Variants in TNNT1 observed in about 807,000 individuals in gnomAD.
TNNT1 encodes the protein troponin T, slow skeletal muscle.
TNNT1 carries 53 observed loss-of-function variants against 50.6 expected under a neutral mutation model. That is an observed-to-expected ratio of 1.05 (90% CI 0.84 to 1.32). TNNT1 has a LOEUF of 1.32. TNNT1 is among the 40% of genes most tolerant of loss of function. The pLI, the probability that TNNT1 is intolerant of heterozygous loss-of-function variation, is 0.00. For missense variants in TNNT1, 348 were observed against 381.7 expected (o/e 0.91, Z 0.74); for synonymous variants, 142 against 138.0 (o/e 1.03, Z -0.20).
intron 10 of TNNT1, among the ~76,000 whole-genome samples, chr19:55,137,448 C>G (rs1030042105): frequency 6.6e-5 from 10 of 151,478 alleles, no homozygotes; most frequent in African/African-American, 1.9e-4. Flanking sequence ...CCCAGACCCT[C>G]TCGCATTAGG....
intron 9 of TNNT1, among the ~76,000 whole-genome samples, chr19:55,139,679 C>T (rs914086627): frequency 6.6e-6 from 1 of 152,084 alleles, no homozygotes; most frequent in Admixed American, 6.6e-5. Flanking sequence ...TGCAAAATCC[C>T]CTTCACAGCT....
rs367816728 is a variant in TNNT1 at position 55,145,666 on chromosome 19, C to T, written c.107-101G>A. ...GGAGGGACCCCCCAAGCCTCGGCCC[C>T]CAGGACCCCAGGGAAGGACTCTGGA... On this transcript the variant is annotated intron_variant, in intron 5 of 13. Transcript: ENST00000588981. The T allele has an allele frequency of 9.2e-6, 12 of 1,308,736 alleles. No individual in the cohort carries two copies. The East Asian group carries it at 9.2e-5, about 10-fold the overall frequency. The allele number at this position is 1,308,736 out of a possible 1,614,324, so 81.1% of individuals were successfully genotyped here.
chr19:55,146,893 AGGGCCC>A, intron 3 of TNNT1, 109 bp downstream of exon 3: 6 of 1,363,720 alleles, frequency 4.4e-6, no homozygotes, highest in Middle Eastern at 2.6e-4. Context: ...AGGGCGGGCG[AGGGCCC>A]GAGGGCTGAG....
intron 9 of TNNT1, among the ~76,000 whole-genome samples, chr19:55,140,109 C>T (rs959694575): frequency 2.1e-5 from 3 of 145,082 alleles, no homozygotes; most frequent in East Asian, 2.0e-4. Flanking sequence ...GGTGACAGAG[C>T]GAGACTGTCT....
At position 55,141,316 on chromosome 19, in the gene TNNT1, G is replaced by A. The variant is rs1372150707; in HGVS notation, c.193-14C>T. The A allele has an allele frequency of 3.1e-6, 5 of 1,607,562 alleles. No individual in the cohort carries two copies. The highest frequency in any genetic ancestry group is 1.7e-6 in the Non-Finnish European group (2 of 1,174,070). ...GCGGTGGATGTCCTGCAGGACACAC[G>A]GGCAGCCCGTCCTAGGAGACCCTGG... On this transcript the variant is annotated splice_polypyrimidine_tract_variant and intron_variant, in intron 7 of 13. Transcript: ENST00000588981.
At chr19:55,141,529 G>A (rs948126320) in intron 7 of TNNT1, among the ~76,000 whole-genome samples, 1 of 150,592 alleles carries the variant, frequency 6.6e-6, no homozygotes, top group Non-Finnish European at 1.5e-5. Context: ...TTCCTCCCAG[G>A]CTGGAGTGAA....
chr19:55,143,407 T>C (rs1292601297), intron 6 of TNNT1, among the ~76,000 whole-genome samples: 1 of 152,120 alleles, frequency 6.6e-6, no homozygotes, highest in African/African-American at 2.4e-5. Context: ...GCCACTTCCT[T>C]GGAATTCTCT....
intron 9 of TNNT1, 47 bp from the exon 10 acceptor site, chr19:55,138,121 A>T (rs755539155): frequency 2.5e-6 from 4 of 1,613,238 alleles, no homozygotes; most frequent in Non-Finnish European, 3.4e-6. Context: ...TGTAGGACTG[A>T]GGGAGGAGGG....
At chr19:55,144,361 C>T (rs569787980) in intron 6 of TNNT1, among the ~76,000 whole-genome samples, 30 of 152,092 alleles carry the variant, frequency 2.0e-4, no homozygotes, top group African/African-American at 6.3e-4. Context: ...TGAACCACTG[C>T]GCCCGGCCCC....
intron 9 of TNNT1, 116 bp from the exon 10 acceptor site, chr19:55,138,190 G>GTCC (rs1256372250): frequency 6.4e-7 from 1 of 1,571,030 alleles, no homozygotes; most frequent in African/African-American, 1.4e-5. Flanking sequence ...AGAGGCTGCT[G>GTCC]GGACATCAGA....
chr19:55,146,625 CA>C, intron 4 of TNNT1, 55 bp downstream of exon 4: 1 of 1,273,440 alleles, frequency 7.9e-7, no homozygotes, highest in Non-Finnish European at 1.1e-6. Flanking sequence ...CTCCCGGGCC[CA>C]GCGTCCCCGC....
intron 6 of TNNT1, 191 bp downstream of exon 6, chr19:55,145,353 A>AGGAGGAGGAG (rs1032142958): frequency 3.6e-5 from 21 of 580,458 alleles, no homozygotes; most frequent in African/African-American, 6.6e-5. Context: ...GAGGAAGTGG[A>AGGAGGAGGAG]GGAGGAGGAG....
intron 6 of TNNT1, 53 bp from the exon 7 acceptor site, chr19:55,141,973 C>T: frequency 6.3e-7 from 1 of 1,575,106 alleles, no homozygotes; most frequent in Non-Finnish European, 8.7e-7. Flanking sequence ...CCTGAGCCAC[C>T]TCCCACCTCC....
chr19:55,145,689 G>A, intron 5 of TNNT1, 124 bp from the exon 6 acceptor site: 2 of 971,852 alleles, frequency 2.1e-6, no homozygotes, highest in Non-Finnish European at 3.3e-6. Flanking sequence ...GAAGGACTCT[G>A]GAGTCCAGTT....
At chr19:55,146,013 T>C (rs998050529) in intron 5 of TNNT1, among the ~76,000 whole-genome samples, 1 of 88,804 alleles carries the variant, frequency 1.1e-5, no homozygotes. Context: ...CGGCCCGACC[T>C]TGGAGACCCT....
chr19:55,140,818 A>ATAG lies in TNNT1; in HGVS notation c.387+64_387+65insCTA. 5 of 1,192,030 alleles carry ATAG rather than the reference A, an allele frequency of 4.2e-6. No homozygotes were observed. In the South Asian group the frequency reaches 5.7e-5, roughly 14 times the overall value. The allele number at this position is 1,192,030 out of a possible 1,614,324, so 73.8% of individuals were successfully genotyped here. A position where few individuals can be genotyped will look rare whatever the true frequency, so the allele number is the denominator to read the frequency against. ...AGTAATAATAATAATAATAATAATA[A>ATAG]TAACAAAATGGGCATCCGGCTGAAG... is the stretch of plus-strand genomic sequence containing the variant. On this transcript the variant is annotated intron_variant, in intron 9 of 13. Coordinates refer to ENST00000588981, the MANE Select transcript of TNNT1 (RefSeq NM_003283.6).
At chr19:55,147,677 T>C (rs527315615) in intron 1 of TNNT1, among the ~76,000 whole-genome samples, 10,960 of 38,860 alleles carry the variant, frequency 0.28, 1,750 homozygotes, top group African/African-American at 0.54. Flanking sequence ...GAGGAGGGGC[T>C]GGGGTCTGGA....
At chr19:55,137,286 G>T in intron 10 of TNNT1, 74 bp from the exon 11 acceptor site, 2 of 1,060,958 alleles carry the variant, frequency 1.9e-6, no homozygotes, top group Non-Finnish European at 2.9e-6. Flanking sequence ...GGACCCACAC[G>T]TCGGATCCCA....
In TNNT1 at chr19:55,134,492, C is replaced by A. The variant is rs77062104; in HGVS notation, c.612-288G>T. 0.061 allele frequency among the ~76,000 whole-genome samples: 9,116 copies of A among 150,440 alleles called. 453 individuals carry two copies. The highest frequency in any genetic ancestry group is 0.12 in the African/African-American group (5,020 of 40,878). ...CTTGAGCCCAGGAGTTCAAGACCAG[C>A]CTGGGCAACAAAGAGAGACCCCGTC... is the stretch of plus-strand genomic sequence containing the variant. On this transcript the variant is annotated intron_variant, in intron 11 of 13. Transcript: ENST00000588981.
Sources: gnomAD v4.1 joint callset for allele counts (sites outside exome capture counted in the v4.1 genomes callset) on GRCh38, gnomAD v4.1.1 for gene constraint, MANE v1.5 for transcripts, NCBI Gene and HGNC (gene_info 2026-07-23, HGNC 2026-07-21) for gene names.